Variants in PPP2R2B observed in about 807,000 individuals in gnomAD.
PPP2R2B encodes the protein protein phosphatase 2 regulatory subunit Bbeta.
PPP2R2B carries 5 observed loss-of-function variants against 46.0 expected under a neutral mutation model. The ratio of observed to expected loss-of-function variants is 0.11; its 90% CI spans 0.06 to 0.23. PPP2R2B has a LOEUF of 0.23. PPP2R2B is among the 10% of genes least tolerant of loss of function. The probability of loss-of-function intolerance (pLI) is 1.00; values close to 1 mark genes in which losing one functional copy is unlikely to be tolerated. For missense variants in PPP2R2B, 367 were observed against 575.0 expected (o/e 0.64, Z 3.70); for synonymous variants, 215 against 206.7 (o/e 1.04, Z -0.34).
At chr5:147,068,469 GA>G (rs904138363) in intron 2 of PPP2R2B, among the ~76,000 whole-genome samples, 1 of 151,632 alleles carries the variant, frequency 6.6e-6, no homozygotes, top group Non-Finnish European at 1.5e-5. Flanking sequence ...TACTTTATGT[GA>G]AAAAAAATGT....
At chr5:146,975,395 C>G (rs1011130555) in intron 1 of PPP2R2B, among the ~76,000 whole-genome samples, 4 of 152,076 alleles carry the variant, frequency 2.6e-5, no homozygotes, top group Non-Finnish European at 5.9e-5. Flanking sequence ...TTTTGTTTAT[C>G]TATTCATCAG....
chr5:146,745,939 CAGAG>C (rs1275658519), intron 2 of PPP2R2B, among the ~76,000 whole-genome samples: 2 of 147,172 alleles, frequency 1.4e-5, no homozygotes, highest in African/African-American at 5.1e-5. Flanking sequence ...GCCTGGGCGA[CAGAG>C]AGAGACTTGG....
chr5:147,044,953 C>A lies in PPP2R2B; in HGVS notation c.79+10712G>T, dbSNP rs181827139. ...GTCTGCCTGGAAGAGCAAATTCACT[C>A]CTATGCCTGGAATGTTTACTGCTAT... On this transcript the variant is annotated intron_variant, in intron 1 of 8. Transcript: ENST00000336640. Among the ~76,000 whole-genome samples the A allele has an allele frequency of 2.8e-4, 43 of 152,300 alleles. No homozygotes were observed. The East Asian group carries it at 8.1e-3, about 29-fold the overall frequency.
At chr5:146,946,065 T>C (rs537311028) in intron 1 of PPP2R2B, among the ~76,000 whole-genome samples, 32 of 152,284 alleles carry the variant, frequency 2.1e-4, no homozygotes, top group African/African-American at 7.2e-4. Flanking sequence ...AAGCCAGCCG[T>C]TAGTCATGTG....
At chr5:146,729,637 T>A (rs1469375284) in intron 2 of PPP2R2B, among the ~76,000 whole-genome samples, 1 of 152,140 alleles carries the variant, frequency 6.6e-6, no homozygotes, top group Non-Finnish European at 1.5e-5. Context: ...GTGCCCTGTA[T>A]CCCAGCTGCT....
chr5:147,029,978 T>A (rs981986896), intron 1 of PPP2R2B, among the ~76,000 whole-genome samples: 9 of 152,248 alleles, frequency 5.9e-5, no homozygotes, highest in African/African-American at 2.2e-4. Context: ...GTTGGCTGGC[T>A]TTTTGTGCTT....
chr5:147,040,716 C>A (rs759245226), intron 1 of PPP2R2B: 22 of 446,922 alleles, frequency 4.9e-5, no homozygotes, highest in South Asian at 3.6e-4. Context: ...GTAGCACTTA[C>A]GAGAACATTC....
At chr5:146,938,231 T>G (rs2151827289) in intron 1 of PPP2R2B, among the ~76,000 whole-genome samples, 1 of 152,302 alleles carries the variant, frequency 6.6e-6, no homozygotes, top group East Asian at 1.9e-4. Flanking sequence ...CACTATCTAT[T>G]GCAAGATGTA....
rs1231354839 is a variant in PPP2R2B at position 146,895,611 on chromosome 5, TGA to T, written c.79+160052_79+160053del. Among the ~76,000 whole-genome samples the T allele has an allele frequency of 3.3e-5, 5 of 152,344 alleles. No individual in the cohort carries two copies. The East Asian group carries it at 9.6e-4, about 29-fold the overall frequency. On this transcript the variant is annotated intron_variant, in intron 1 of 8. Transcript: ENST00000336640. ...CAGTAGGTAAGGGCTGTTTGTTAAA[TGA>T]GAGACTATAACTGATTTCTTTCCCC...
At chr5:146,940,791 C>A (rs1378238848) in intron 1 of PPP2R2B, among the ~76,000 whole-genome samples, 5 of 152,140 alleles carry the variant, frequency 3.3e-5, no homozygotes, top group Admixed American at 2.0e-4. Context: ...GTCTGTGTTC[C>A]ACTGAATTCT....
intron 2 of PPP2R2B, among the ~76,000 whole-genome samples, chr5:146,724,757 T>C (rs1751745117): frequency 6.6e-6 from 1 of 152,086 alleles, no homozygotes; most frequent in Non-Finnish European, 1.5e-5. Flanking sequence ...GAAACCATAA[T>C]CATCTCAAAA....
chr5:146,845,300 C>T (rs11750417), intron 2 of PPP2R2B, among the ~76,000 whole-genome samples: 2 of 6,026 alleles, frequency 3.3e-4, no homozygotes, highest in Non-Finnish European at 5.5e-4. Flanking sequence ...TTTTCTTTTC[C>T]TTTTCTTTTT....
At chr5:146,672,496 C>G (rs1006774476) in intron 5 of PPP2R2B, among the ~76,000 whole-genome samples, 2 of 151,896 alleles carry the variant, frequency 1.3e-5, no homozygotes, top group African/African-American at 4.8e-5. Context: ...AAGGATACTG[C>G]TGGAGACATG....
upstream of PPP2R2B, chr5:147,081,446 A>C (rs1262413656): frequency 3.0e-6 from 2 of 665,734 alleles, no homozygotes; most frequent in Non-Finnish European, 5.1e-6. Flanking sequence ...GTTACGAAGG[A>C]CTTGCAGTCA....
At chr5:146,911,088 CTT>C (rs1554075565) in intron 1 of PPP2R2B, among the ~76,000 whole-genome samples, 4 of 142,136 alleles carry the variant, frequency 2.8e-5, no homozygotes, top group Non-Finnish European at 4.6e-5. Context: ...TAGACACTTT[CTT>C]TTTTTTTTTT....
chr5:147,005,003 C>A (rs1054487972), intron 1 of PPP2R2B, among the ~76,000 whole-genome samples: 8 of 152,252 alleles, frequency 5.3e-5, no homozygotes, highest in Non-Finnish European at 8.8e-5. Context: ...AAATGGCATA[C>A]TAGGTGTCAA....
intron 1 of PPP2R2B, among the ~76,000 whole-genome samples, chr5:147,051,752 CCT>C (rs1580858930): frequency 7.4e-6 from 1 of 134,330 alleles, no homozygotes; most frequent in Admixed American, 7.8e-5. Context: ...TGTTTTGCTT[CCT>C]TTTTTTTTTT....
chr5:147,081,406 C>T, exon 1 of PPP2R2B: 1 of 1,085,506 alleles, frequency 9.2e-7, no homozygotes, highest in Non-Finnish European at 1.3e-6. Flanking sequence ...GAGTTTGTCC[C>T]TTCTCAGGCC....
chr5:146,987,386 A>G (rs1005665954), intron 1 of PPP2R2B, among the ~76,000 whole-genome samples: 3 of 152,134 alleles, frequency 2.0e-5, no homozygotes, highest in African/African-American at 7.2e-5. Context: ...TGTAAGTACC[A>G]AAAGATAAAA....
Sources: gnomAD v4.1 joint callset for allele counts (sites outside exome capture counted in the v4.1 genomes callset) on GRCh38, gnomAD v4.1.1 for gene constraint, MANE v1.5 for transcripts, NCBI Gene and HGNC (gene_info 2026-07-23, HGNC 2026-07-21) for gene names.